ATP6AP2: variants seen among roughly 807,000 people sequenced by gnomAD.
The protein encoded by ATP6AP2 is ATPase H+ transporting accessory protein 2, also known as renin receptor.
ATP6AP2 carries 1 observed loss-of-function variant against 23.4 expected under a neutral mutation model. The observed-to-expected ratio is 0.04, with a 90% CI of 0.02 to 0.20. ATP6AP2 has a LOEUF of 0.20. Ranked by LOEUF, ATP6AP2 falls within the 10% of genes least tolerant of loss-of-function variation. The probability of loss-of-function intolerance (pLI) is 1.00; values close to 1 mark genes in which losing one functional copy is unlikely to be tolerated. For missense variants in ATP6AP2, 174 were observed against 271.3 expected, an observed-to-expected ratio of 0.64 and a Z score of 2.52; for synonymous variants, 90 against 97.1, an observed-to-expected ratio of 0.93 and a Z score of 0.43.
chrX:40,602,212 G>A (rs1171036432), intron 8 of ATP6AP2, among the ~76,000 whole-genome samples: 2 of 100,829 alleles, frequency 2.0e-5, no homozygotes, highest in Non-Finnish European at 3.8e-5. Flanking sequence ...TACCCGGGAG[G>A]CAGAGGTTGC....
At chrX:40,582,373 A>T (rs953810501) in intron 1 of ATP6AP2, among the ~76,000 whole-genome samples, 4 of 112,119 alleles carry the variant, frequency 3.6e-5, no homozygotes, top group Non-Finnish European at 5.6e-5. Flanking sequence ...GGTTGCAGTG[A>T]GCCGAGATCG....
chrX:40,594,993 A>ACCCT (rs1926743574), intron 3 of ATP6AP2, among the ~76,000 whole-genome samples: 2 of 112,343 alleles, frequency 1.8e-5, no homozygotes, highest in East Asian at 5.6e-4. Context: ...AGTAGAAGGA[A>ACCCT]GGGAACAATA....
At chrX:40,591,090 C>T (rs1287138135) in intron 2 of ATP6AP2, 144 bp from the exon 3 acceptor site, 6 of 720,567 alleles carry the variant, frequency 8.3e-6, no homozygotes, top group African/African-American at 2.1e-5. Context: ...GCAACGACTG[C>T]CACAAATAAA....
intron 1 of ATP6AP2, among the ~76,000 whole-genome samples, chrX:40,588,334 G>GCCCCC (rs58929123): frequency 5.6e-4 from 7 of 12,407 alleles, no homozygotes; most frequent in African/African-American, 1.3e-3. Context: ...TGACATGTAT[G>GCCCCC]CCCCCCCCCC....
At position 40,588,961 on chromosome X, in the gene ATP6AP2, A is replaced by T. The variant is rs1282019523; in HGVS notation, c.38-25A>T. ...AAATGATTTATGATGTTGATAATTC[A>T]TTTACTGATCTGTTTTCTTTTCAGG... On this transcript the variant is annotated intron_variant, in intron 1 of 8. Transcript: ENST00000636580. The T allele has an allele frequency of 2.5e-6, 3 of 1,195,526 alleles. No individual in the cohort carries two copies. The African/African-American group carries it at 5.3e-5, about 21-fold the overall frequency.
At chrX:40,597,146 A>G in intron 3 of ATP6AP2, 103 bp from the exon 4 acceptor site, 1 of 644,887 alleles carries the variant, frequency 1.6e-6, no homozygotes. Flanking sequence ...TTCCATAGAA[A>G]GTGCTGGAAA....
intron 1 of ATP6AP2, among the ~76,000 whole-genome samples, chrX:40,587,711 A>T (rs1926514798): frequency 8.9e-6 from 1 of 111,905 alleles, no homozygotes; most frequent in Non-Finnish European, 1.9e-5. Context: ...ACCCCAAATT[A>T]AAAAATCAGC....
Position 40,606,673 on chromosome X carries a change from G to A in ATP6AP2, c.*918G>A, listed in dbSNP as rs1927078121. On this transcript the variant is annotated 3_prime_UTR_variant, in exon 9 of 9. Coordinates refer to ENST00000636580, the MANE Select transcript of ATP6AP2 (RefSeq NM_005765.3). ...TGCAGTACTAAATCTATTTTATATT[G>A]TAAAAACCTAACAAAACAGGCTTTT... The A allele has an allele frequency of 1.8e-5, 2 of 111,853 alleles. No homozygotes were observed. Among genetic ancestry groups the A allele is most frequent in the African/African-American group, 6.5e-5 (2 of 30,717 alleles). 9.2% of individuals were successfully genotyped at this position (111,853 alleles called of 1,213,427 possible).
chrX:40,605,287 G>A, intron 8 of ATP6AP2: 2 of 338,948 alleles, frequency 5.9e-6, no homozygotes, highest in Non-Finnish European at 1.0e-5. Context: ...TTTCCCTAGC[G>A]TATGGACTTA....
chrX:40,593,452 C>T (rs113134021), intron 3 of ATP6AP2, among the ~76,000 whole-genome samples: 2,342 of 110,653 alleles, frequency 0.021, 57 homozygotes, highest in African/African-American at 0.074. Flanking sequence ...CAGTTTCCCG[C>T]GCTTTAAAGG....
At position 40,606,435 on chromosome X, in the gene ATP6AP2, A is replaced by C. The variant is rs184619513; in HGVS notation, c.*680A>C. On this transcript the variant is annotated 3_prime_UTR_variant, in exon 9 of 9. Transcript: ENST00000636580. ...TATATAGATGCTTTTCATTATACAC[A>C]CAAAAATCCCTGAGGGACATTTTGA... is the stretch of plus-strand genomic sequence containing the variant. 1.2e-4 allele frequency: 13 copies of C among 112,402 alleles called. No homozygotes were observed. The highest frequency in any genetic ancestry group is 3.9e-4 in the African/African-American group (12 of 30,891). 9.3% of individuals were successfully genotyped at this position (112,402 alleles called of 1,213,427 possible).
intron 1 of ATP6AP2, among the ~76,000 whole-genome samples, chrX:40,582,754 A>G (rs1226180338): frequency 8.9e-6 from 1 of 112,387 alleles, no homozygotes; most frequent in Non-Finnish European, 1.9e-5. Flanking sequence ...CTGAACATCT[A>G]TTGAGATTCC....
rs747308629 is a variant in ATP6AP2, at chrX:40,600,848, G to A, written c.825G>A (p.Arg275=). The A allele has an allele frequency of 4.1e-6, 5 of 1,205,147 alleles. No individual in the cohort carries two copies. The Admixed American group carries it at 6.6e-5, about 16-fold the overall frequency. Residue 275 remains arginine (R), a synonymous_variant, in exon 8 of 9, where the codon AGG becomes AGA. Transcript: ENST00000636580. ...TVKSFDTSLI[R]KTRTILEAKQ... ...AGTCATTTGACACCTCCCTCATTAG[G>A]AAGACAAGGACTATCCTTGAGGCAA...
chrX:40,595,624 G>T (rs1926758351), intron 3 of ATP6AP2, among the ~76,000 whole-genome samples: 1 of 111,821 alleles, frequency 8.9e-6, no homozygotes, highest in Non-Finnish European at 1.9e-5. Context: ...ACTAAGTGAA[G>T]TGAGGCTGGA....
At chrX:40,584,408 G>A (rs1926411209) in intron 1 of ATP6AP2, among the ~76,000 whole-genome samples, 1 of 97,023 alleles carries the variant, frequency 1.0e-5, no homozygotes, top group South Asian at 4.9e-4. Flanking sequence ...GTCTTGCTCT[G>A]TCACCCAGGC....
chrX:40,603,489 C>T (rs1926993714), intron 8 of ATP6AP2: 1 of 111,076 alleles, frequency 9.0e-6, no homozygotes, highest in African/African-American at 3.3e-5. Context: ...TGAAATCACT[C>T]TCTTCCATTA....
chrX:40,598,682 T>A lies in ATP6AP2; in HGVS notation c.536T>A (p.Val179Asp), dbSNP rs773037776. ...PLNSLSRNNE[V>D]DLLFLSELQV... Reference sequence around the variant, plus strand: ...TCTTTTTTTTTGGGCTCTCTGAAGGTTGACCTGCTCTTTCTTTCTGAACTG... The same window carrying A: ...TCTTTTTTTTTGGGCTCTCTGAAGGATGACCTGCTCTTTCTTTCTGAACTG... The change falls in exon 6 of 9, where the codon GTT becomes GAT. Residue 179 changes from valine (V) to aspartate (D), a missense_variant and splice_region_variant. Val to Asp is a radical substitution (Grantham distance 152). Transcript: ENST00000636580. 8.3e-7 allele frequency: 1 copy of A among 1,210,260 alleles called. No individual in the cohort carries two copies. Among genetic ancestry groups the A allele is most frequent in the Non-Finnish European group, 1.1e-6 (1 of 894,511 alleles).
intron 1 of ATP6AP2, 56 bp downstream of exon 1, chrX:40,581,158 TGG>T: frequency 1.0e-6 from 1 of 974,810 alleles, no homozygotes; most frequent in Non-Finnish European, 1.3e-6. Flanking sequence ...CCGCGGGGCT[TGG>T]GGGTCGGGGG....
chrX:40,590,075 C>G (rs1197396249), intron 2 of ATP6AP2: 1 of 111,477 alleles, frequency 9.0e-6, no homozygotes, highest in Admixed American at 9.5e-5. Context: ...CAGGGTCTGG[C>G]TGTGTCACCC....
Sources: allele counts gnomAD v4.1 joint callset (sites outside exome capture counted in the v4.1 genomes callset), GRCh38; gene constraint gnomAD v4.1.1; transcripts MANE v1.5; gene names NCBI Gene and HGNC (gene_info 2026-07-23, HGNC 2026-07-21).